GRAMD1B: variants seen among roughly 807,000 people sequenced by gnomAD.
GRAMD1B encodes the protein GRAM domain containing 1B, also known as protein Aster-B.
Under a neutral mutation model 99.7 loss-of-function variants are expected in GRAMD1B, and 37 were observed. The observed-to-expected ratio is 0.37, with a 90% confidence interval of 0.29 to 0.49. The LOEUF is 0.49. Ranked by LOEUF, GRAMD1B falls within the 20% of genes least tolerant of loss-of-function variation. GRAMD1B has a pLI of 0.98. For missense variants in GRAMD1B, 888 were observed against 1,009.2 expected (o/e 0.88, Z 1.63); for synonymous variants, 427 against 387.6 (o/e 1.10, Z -1.19).
At chr11:123,497,333 C>T (rs1294520096) in intron 2 of GRAMD1B, among the ~76,000 whole-genome samples, 1 of 152,180 alleles carries the variant, frequency 6.6e-6, no homozygotes, top group Non-Finnish European at 1.5e-5. Context: ...GCACCCCTGT[C>T]GCCACCACCA....
intron 1 of GRAMD1B, among the ~76,000 whole-genome samples, chr11:123,373,418 G>A (rs973529280): frequency 2.0e-4 from 30 of 152,196 alleles, no homozygotes; most frequent in African/African-American, 7.0e-4. Context: ...GACTGAATCA[G>A]TGCTATTAGA....
At chr11:123,622,136 C>G (rs1230142586) in intron 19 of GRAMD1B, among the ~76,000 whole-genome samples, 1 of 151,968 alleles carries the variant, frequency 6.6e-6, no homozygotes, top group Non-Finnish European at 1.5e-5. Flanking sequence ...TCCTCCCACC[C>G]CAGCCTCCTG....
intron 1 of GRAMD1B, among the ~76,000 whole-genome samples, chr11:123,475,486 A>T (rs772562799): frequency 6.6e-6 from 1 of 152,222 alleles, no homozygotes; most frequent in African/African-American, 2.4e-5. Flanking sequence ...TTTAATTTAT[A>T]CAGTGAATTT....
At chr11:123,378,853 T>G (rs1278495155) in intron 1 of GRAMD1B, among the ~76,000 whole-genome samples, 1 of 152,230 alleles carries the variant, frequency 6.6e-6, no homozygotes, top group Non-Finnish European at 1.5e-5. Flanking sequence ...ATTTTTCTGC[T>G]TAGAGTCTTC....
chr11:123,393,063 C>G (rs1298395544), intron 1 of GRAMD1B, among the ~76,000 whole-genome samples: 1 of 152,154 alleles, frequency 6.6e-6, no homozygotes, highest in Admixed American at 6.5e-5. Flanking sequence ...CTAAACCCTG[C>G]TCTGTGACTA....
intron 4 of GRAMD1B, among the ~76,000 whole-genome samples, chr11:123,592,212 G>A (rs1950739212): frequency 6.6e-6 from 1 of 152,146 alleles, no homozygotes; most frequent in South Asian, 2.1e-4. Context: ...GCTAGCAGGG[G>A]CCGCAAAGCA....
intron 2 of GRAMD1B, among the ~76,000 whole-genome samples, chr11:123,514,096 G>A (rs1174329283): frequency 6.6e-6 from 1 of 152,178 alleles, no homozygotes; most frequent in Non-Finnish European, 1.5e-5. Context: ...GTTCACAATC[G>A]CCGTGAAGAG....
intron 2 of GRAMD1B, among the ~76,000 whole-genome samples, chr11:123,551,928 A>G (rs1218683742): frequency 1.3e-5 from 2 of 152,156 alleles, no homozygotes; most frequent in Non-Finnish European, 2.9e-5. Flanking sequence ...TGGGCTCCAT[A>G]TATGTATGCT....
chr11:123,571,589 AGGGGAAAT>A (rs1948098750), intron 2 of GRAMD1B, among the ~76,000 whole-genome samples: 1 of 152,114 alleles, frequency 6.6e-6, no homozygotes, highest in South Asian at 2.1e-4. Context: ...TCTTAAAAAG[AGGGGAAAT>A]GGGGAAATGA....
At chr11:123,503,144 A>C (rs551201478) in intron 2 of GRAMD1B, among the ~76,000 whole-genome samples, 1 of 152,370 alleles carries the variant, frequency 6.6e-6, no homozygotes, top group Admixed American at 6.5e-5. Flanking sequence ...AGTCCTCTGC[A>C]GCCTGGCAAT....
chr11:123,606,929 A>T, intron 11 of GRAMD1B, 131 bp downstream of exon 11: 1 of 649,982 alleles, frequency 1.5e-6, no homozygotes, highest in South Asian at 2.0e-5. Context: ...TCCTTAACAA[A>T]AGGTACCTGT....
At chr11:123,609,694 A>C in intron 12 of GRAMD1B, 101 bp from the exon 13 acceptor site, 10 of 651,970 alleles carry the variant, frequency 1.5e-5, no homozygotes, top group Non-Finnish European at 1.1e-5. Context: ...GGGGCCAGGC[A>C]GTAGTAAGCA....
intron 1 of GRAMD1B, among the ~76,000 whole-genome samples, chr11:123,460,659 G>A (rs1235183105): frequency 1.3e-5 from 2 of 152,208 alleles, no homozygotes; most frequent in African/African-American, 4.8e-5. Flanking sequence ...CCGGGGCTAA[G>A]GGCAAATGAA....
rs1258622762 is a variant in GRAMD1B, at chr11:123,619,237, A to G, written c.2544+13A>G. On this transcript the variant is annotated intron_variant, in intron 19 of 19. Coordinates refer to ENST00000635736, the MANE Select transcript of GRAMD1B (RefSeq NM_001387025.1). ...GCTCCTTGACCAGGTGAGATGCCCC[A>G]CCTTCTCTGCTTGCCCTGGTCTTTG... 6.4e-7 allele frequency: 1 copy of G among 1,552,494 alleles called. No individual in the cohort carries two copies. Among genetic ancestry groups the G allele is most frequent in the Middle Eastern group, 1.7e-4 (1 of 5,996 alleles).
At chr11:123,454,046 T>C (rs1950005220) in intron 1 of GRAMD1B, among the ~76,000 whole-genome samples, 1 of 152,250 alleles carries the variant, frequency 6.6e-6, no homozygotes, top group Admixed American at 6.5e-5. Context: ...TCCCAGCAGC[T>C]GAGTGTGACT....
intron 2 of GRAMD1B, chr11:123,560,715 TGTGTGTGTG>T (rs1946664678): frequency 6.6e-6 from 3 of 454,424 alleles, no homozygotes; most frequent in African/African-American, 6.0e-5. Flanking sequence ...TGTGTGTGTG[TGTGTGTGTG>T]TGTGTGTGTG....
chr11:123,448,692 G>GTA (rs1299230216), intron 1 of GRAMD1B, among the ~76,000 whole-genome samples: 2 of 152,178 alleles, frequency 1.3e-5, no homozygotes, highest in Non-Finnish European at 2.9e-5. Context: ...TTGTCTTTTT[G>GTA]TAATTGAACT....
upstream of GRAMD1B, among the ~76,000 whole-genome samples, chr11:123,425,324 G>T (rs1005116543): frequency 1.3e-5 from 2 of 152,134 alleles, no homozygotes; most frequent in Admixed American, 1.3e-4. Flanking sequence ...GCTTTCCTTG[G>T]GATGGGCAGC....
chr11:123,378,894 T>G (rs937988235), intron 1 of GRAMD1B, among the ~76,000 whole-genome samples: 2 of 152,240 alleles, frequency 1.3e-5, no homozygotes, highest in African/African-American at 4.8e-5. Flanking sequence ...ATTTAACATC[T>G]AAATGTAACA....
Sources: allele counts gnomAD v4.1 joint callset (sites outside exome capture counted in the v4.1 genomes callset), GRCh38; gene constraint gnomAD v4.1.1; transcripts MANE v1.5; gene names NCBI Gene and HGNC (gene_info 2026-07-23, HGNC 2026-07-21).